The following BEAN1 variants were observed in gnomAD, a reference collection of about 807,000 sequenced individuals.
BEAN1 encodes the protein brain expressed associated with NEDD4 1.
In BEAN1, 17 loss-of-function variants were observed where a neutral mutation model predicts 17.7. The ratio of observed to expected loss-of-function variants is 0.96; its 90% CI spans 0.66 to 1.44. The LOEUF is 1.44. Among genes scored for constraint, BEAN1 ranks in the 40% most tolerant of loss-of-function variants. BEAN1 has a pLI of 0.00. For missense variants in BEAN1, 359 were observed against 374.1 expected (o/e 0.96, Z 0.33); for synonymous variants, 142 against 151.8 (o/e 0.94, Z 0.47).
At chr16:66,460,085 C>T (rs139410553) in intron 2 of BEAN1, among the ~76,000 whole-genome samples, 1 of 152,362 alleles carries the variant, frequency 6.6e-6, no homozygotes, top group Non-Finnish European at 1.5e-5. Flanking sequence ...TTCCTCTCTG[C>T]ACTGGCCCTG....
At chr16:66,480,191 A>G (rs1170344081) in intron 4 of BEAN1, among the ~76,000 whole-genome samples, 6 of 152,032 alleles carry the variant, frequency 3.9e-5, no homozygotes, top group Non-Finnish European at 8.8e-5. Context: ...TAAACTGAGA[A>G]GGGGAACTTT....
downstream of BEAN1, chr16:66,484,796 C>G (rs1366996513): frequency 6.6e-6 from 3 of 454,110 alleles, no homozygotes; most frequent in Non-Finnish European, 1.3e-5. This position sits in a 1 kb window ranked among gnomAD's most constrained non-coding sequence, Gnocchi z 4.2. Context: ...GAACGCACCT[C>G]AAAGTGACGC....
chr16:66,492,683 C>T lies in BEAN1; in HGVS notation c.148-279C>T, dbSNP rs556495009. On this transcript the variant is annotated intron_variant, in intron 4 of 4. Transcript: ENST00000561796. ...CTCGAACTCCTGACCTCAGGTGATCCGCCCTCCTTGGCCTCCCAAAGTGCT... is the reference window on the plus strand; with the variant it reads ...CTCGAACTCCTGACCTCAGGTGATCTGCCCTCCTTGGCCTCCCAAAGTGCT... Among the ~76,000 whole-genome samples, 56 of 151,948 alleles carry T rather than the reference C, an allele frequency of 3.7e-4. 1 individual carries two copies. The highest frequency in any genetic ancestry group is 8.5e-4 in the Admixed American group (13 of 15,276).
intron 2 of BEAN1, among the ~76,000 whole-genome samples, chr16:66,441,353 C>A (rs186609540): frequency 2.0e-5 from 3 of 152,292 alleles, no homozygotes; most frequent in South Asian, 4.1e-4. Flanking sequence ...AGGAAGGAAA[C>A]CCGGAAATCC....
At chr16:66,475,013 C>T (rs1046082043) in intron 3 of BEAN1, among the ~76,000 whole-genome samples, 6 of 152,164 alleles carry the variant, frequency 3.9e-5, no homozygotes, top group African/African-American at 9.7e-5. Context: ...TCCTCTTCCT[C>T]CCTCTCCCAG....
At chr16:66,437,565 C>G (rs1347446788) in intron 1 of BEAN1, 30 bp from the exon 2 acceptor site, 9 of 1,331,322 alleles carry the variant, frequency 6.8e-6, no homozygotes, top group Non-Finnish European at 9.2e-6. Context: ...CCATGGGCCC[C>G]CCAACACCTG....
At chr16:66,442,757 G>A (rs138068547) in intron 2 of BEAN1, among the ~76,000 whole-genome samples, 5 of 152,224 alleles carry the variant, frequency 3.3e-5, no homozygotes, top group African/African-American at 1.2e-4. Flanking sequence ...ATGCTACACG[G>A]AGAGTCTAGC....
chr16:66,448,404 T>G (rs1962534325), intron 2 of BEAN1, among the ~76,000 whole-genome samples: 1 of 152,222 alleles, frequency 6.6e-6, no homozygotes, highest in Non-Finnish European at 1.5e-5. Context: ...TCTTTCTTCC[T>G]TTCTTTTTCT....
rs1963971826 is a variant in BEAN1 at position 66,481,102 on chromosome 16, G to C, written c.*177G>C. ...TACCCCATGTACACACACAGATCTA[G>C]ACGTGCTCCACATATGTGTGAATAT... is the stretch of plus-strand genomic sequence containing the variant. On this transcript the variant is annotated 3_prime_UTR_variant, in exon 5 of 5. Coordinates refer to ENST00000536005, the MANE Select transcript of BEAN1 (RefSeq NM_001178020.3). This position sits in a 1 kb window ranked among gnomAD's most constrained non-coding sequence, Gnocchi z 4.1. 1.9e-6 allele frequency: 1 copy of C among 539,968 alleles called. No homozygotes were observed. The highest frequency in any genetic ancestry group is 3.2e-5 in the South Asian group (1 of 31,682). The allele number at this position is 539,968 out of a possible 1,614,324, so 33.4% of individuals were successfully genotyped here. A position where few individuals can be genotyped will look rare whatever the true frequency, so the allele number is the denominator to read the frequency against.
chr16:66,466,773 T>C (rs921864076), intron 2 of BEAN1, among the ~76,000 whole-genome samples: 30 of 152,208 alleles, frequency 2.0e-4, no homozygotes, highest in Non-Finnish European at 1.3e-4. Context: ...TTCACCATCT[T>C]GGTCAGGCGG....
chr16:66,452,674 C>A (rs962307010), intron 2 of BEAN1, among the ~76,000 whole-genome samples: 1 of 152,144 alleles, frequency 6.6e-6, no homozygotes, highest in Non-Finnish European at 1.5e-5. Flanking sequence ...AATTTCTAGA[C>A]GCTTTTTGCA....
chr16:66,473,530 G>C lies in BEAN1; in HGVS notation c.289+3665G>C, dbSNP rs1426491523. Among the ~76,000 whole-genome samples, 1 of 151,952 alleles carries C rather than the reference G, an allele frequency of 6.6e-6. No homozygotes were observed. Among genetic ancestry groups the C allele is most frequent in the Non-Finnish European group, 1.5e-5 (1 of 67,968 alleles). On this transcript the variant is annotated intron_variant, in intron 3 of 4. Transcript: ENST00000536005. This position sits in a 1 kb window ranked among gnomAD's most constrained non-coding sequence, Gnocchi z 4.5. Reference sequence around the variant, plus strand: ...GGGAAACGCACTGTGAGCAGCTGTGGGAGAACATGAAAGCGGCACCACCAG... The same window carrying C: ...GGGAAACGCACTGTGAGCAGCTGTGCGAGAACATGAAAGCGGCACCACCAG...
intron 3 of BEAN1, among the ~76,000 whole-genome samples, chr16:66,472,857 A>C (rs1963536347): frequency 6.6e-6 from 1 of 151,546 alleles, no homozygotes. Flanking sequence ...CCATCTCTAC[A>C]AAAAAAATGT....
intron 4 of BEAN1, among the ~76,000 whole-genome samples, chr16:66,479,298 T>C (rs1370253049): frequency 1.3e-5 from 2 of 152,078 alleles, no homozygotes; most frequent in East Asian, 1.9e-4. Flanking sequence ...CTGCTTCTGA[T>C]GGAGGTGGAG....
downstream of BEAN1, among the ~76,000 whole-genome samples, chr16:66,494,616 A>G (rs1249053558): frequency 6.6e-6 from 1 of 152,130 alleles, no homozygotes; most frequent in Non-Finnish European, 1.5e-5. Flanking sequence ...TCACAGTGCA[A>G]ATAAAGAGGG....
chr16:66,489,367 C>A (rs1003674126), intron 4 of BEAN1, among the ~76,000 whole-genome samples: 3 of 152,166 alleles, frequency 2.0e-5, no homozygotes, highest in African/African-American at 7.2e-5. Context: ...TGGGCAAAGG[C>A]CTCTCCAACC....
At position 66,446,623 on chromosome 16, in the gene BEAN1, T is replaced by A. The variant is rs1210317231; in HGVS notation, c.25+8922T>A. 2.6e-5 allele frequency among the ~76,000 whole-genome samples: 4 copies of A among 152,002 alleles called. No homozygotes were observed. In the East Asian group the frequency reaches 5.8e-4, roughly 22 times the overall value. ...CTCAGTGCTGTGAAGTGGGATGAGA[T>A]CACCCAGGGAGCAAGTGTGGGAATG... On this transcript the variant is annotated intron_variant, in intron 2 of 4. Transcript: ENST00000536005.
At position 66,473,771 on chromosome 16, in the gene BEAN1, C is replaced by T. The variant is rs1240314270; in HGVS notation, c.290-3789C>T. On this transcript the variant is annotated intron_variant, in intron 3 of 4. Transcript: ENST00000536005. The surrounding 1 kb of genome is among the most constrained non-coding windows in gnomAD (Gnocchi z 4.5). The stretch of plus-strand genomic sequence containing the variant: ...GGGCAGTGTACCAGTGAACCCCAAC[C>T]TTTGGCACTGGGCCCCTTCCACCTG... 6.6e-6 allele frequency among the ~76,000 whole-genome samples: 1 copy of T among 151,950 alleles called. No individual in the cohort carries two copies. The highest frequency in any genetic ancestry group is 1.9e-4 in the East Asian group (1 of 5,186).
chr16:66,452,646 G>A (rs1177920561), intron 2 of BEAN1, among the ~76,000 whole-genome samples: 1 of 152,238 alleles, frequency 6.6e-6, no homozygotes, highest in African/African-American at 2.4e-5. Context: ...GCGTTGTCAG[G>A]TGAGTGTTTA....
Sources: allele counts gnomAD v4.1 joint callset (sites outside exome capture counted in the v4.1 genomes callset), GRCh38; gene constraint gnomAD v4.1.1; non-coding constraint Gnocchi (gnomAD v3.1); transcripts MANE v1.5; gene names NCBI Gene and HGNC (gene_info 2026-07-23, HGNC 2026-07-21).